The following ZNF749 variants were observed in gnomAD, a reference collection of about 807,000 sequenced individuals.
ZNF749 encodes the protein zinc finger protein 749.
A neutral mutation model predicts 7.3 loss-of-function variants in ZNF749; 8 were observed. The observed-to-expected ratio is 1.10, with a 90% CI of 0.64 to 1.98. The LOEUF is 1.98. Ranked by LOEUF, ZNF749 falls within the 30% of genes most tolerant of loss-of-function variation. The pLI, the probability that ZNF749 is intolerant of heterozygous loss-of-function variation, is 0.00. For synonymous variants in ZNF749, 310 were observed against 322.4 expected, an observed-to-expected ratio of 0.96 and a Z score of 0.41; for missense variants, 898 against 932.4, an observed-to-expected ratio of 0.96 and a Z score of 0.48.
upstream of ZNF749, among the ~76,000 whole-genome samples, chr19:57,432,588 G>C (rs113386444): frequency 0.056 from 8,177 of 144,984 alleles, 856 homozygotes; most frequent in African/African-American, 0.2. Flanking sequence ...AAAAAAAGGT[G>C]GGGGGGACTA....
intron 1 of ZNF749, 120 bp downstream of exon 1, chr19:57,435,713 G>T: frequency 1.3e-6 from 2 of 1,482,222 alleles, no homozygotes; most frequent in South Asian, 1.3e-5. Flanking sequence ...TGTGTGGGGT[G>T]CCCGGGACTG....
rs1305916631 is a variant in ZNF749, at chr19:57,443,545, A to G, written c.397A>G (p.Ser133Gly). Residue 133 changes from serine to glycine, a missense_variant, in exon 3 of 3, where the codon AGT becomes GGT. By Grantham distance (56) the Ser-to-Gly change is moderately conservative (BLOSUM62 0). Coordinates refer to ENST00000334181, the MANE Select transcript of ZNF749 (RefSeq NM_001023561.4). The part of the protein sequence containing the change: ...KEQIREKLTR[S>G]DEWRPSFVNH... ...GCAGATTAGAGAGAAGCTCACCAGA[A>G]GTGATGAGTGGAGGCCTTCATTTGT... 2 of 1,614,146 alleles carry G rather than the reference A, an allele frequency of 1.2e-6. No individual in the cohort carries two copies. Among genetic ancestry groups the G allele is most frequent in the Admixed American group, 3.3e-5 (2 of 60,012 alleles).
At chr19:57,433,160 GTTA>G (rs2088907788), upstream of ZNF749, among the ~76,000 whole-genome samples, 1 of 149,592 alleles carries the variant, frequency 6.7e-6, no homozygotes, top group Non-Finnish European at 1.5e-5. Flanking sequence ...GTGTGAAGGG[GTTA>G]TTTAGAAGGT....
chr19:57,443,740 T>C lies in ZNF749; in HGVS notation c.592T>C (p.Ser198Pro), dbSNP rs758593501. ...AFQGEQNDFN[S>P]SQGGKDFCHQ... Reference sequence around the variant, plus strand: ...TCAAGGTGAACAGAATGATTTCAACTCCAGCCAAGGTGGGAAAGACTTTTG... The same window carrying C: ...TCAAGGTGAACAGAATGATTTCAACCCCAGCCAAGGTGGGAAAGACTTTTG... Residue 198 changes from serine (S) to proline (P), a missense_variant, in exon 3 of 3, where the codon TCC becomes CCC. Ser to Pro is a moderately conservative substitution (Grantham distance 74, BLOSUM62 -1). Coordinates refer to ENST00000334181, the MANE Select transcript of ZNF749 (RefSeq NM_001023561.4). 5.6e-6 allele frequency: 9 copies of C among 1,614,002 alleles called. No homozygotes were observed. The East Asian group carries it at 2.0e-4, about 36-fold the overall frequency.
chr19:57,446,511 A>C lies in ZNF749; in HGVS notation c.*1026A>C, dbSNP rs2089067476. 6.6e-6 allele frequency among the ~76,000 whole-genome samples: 1 copy of C among 152,190 alleles called. No homozygotes were observed. Among genetic ancestry groups the C allele is most frequent in the African/African-American group, 2.4e-5 (1 of 41,452 alleles). Reference sequence around the variant, plus strand: ...ATAAATATCTCATATGAGGAAACTTAAGTTTTAGTCTTTTGTGACTTATTT... The same window carrying C: ...ATAAATATCTCATATGAGGAAACTTCAGTTTTAGTCTTTTGTGACTTATTT... On this transcript the variant is annotated 3_prime_UTR_variant, in exon 3 of 3. Transcript: ENST00000334181.
chr19:57,430,618 C>T (rs2088894617), upstream of ZNF749, among the ~76,000 whole-genome samples: 2 of 152,158 alleles, frequency 1.3e-5, no homozygotes, highest in African/African-American at 4.8e-5. Flanking sequence ...TTACATCTGA[C>T]AGTTGCCTAC....
Position 57,435,448 on chromosome 19 carries a change from T to G in ZNF749, c.-131T>G. ...AAGAGCGGAAAAACGCGAGAAGCGGTGTTCCTTCTACACAGAGGCTAGAGT... is the reference window on the plus strand; with the variant it reads ...AAGAGCGGAAAAACGCGAGAAGCGGGGTTCCTTCTACACAGAGGCTAGAGT... On this transcript the variant is annotated 5_prime_UTR_variant, in exon 1 of 3. Transcript: ENST00000334181. The G allele has an allele frequency of 7.4e-7, 1 of 1,352,756 alleles. No individual in the cohort carries two copies. Among genetic ancestry groups the G allele is most frequent in the Non-Finnish European group, 1.0e-6 (1 of 978,310 alleles). 83.8% of individuals were successfully genotyped at this position (1,352,756 alleles called of 1,614,324 possible). A position where few individuals can be genotyped will look rare whatever the true frequency, so the allele number is the denominator to read the frequency against.
rs2240041 is a variant in ZNF749, at chr19:57,445,532, C to T, written c.*47C>T. ...ACCAAAACTGTCACCTCATTCAGCA[C>T]CAAAAGGTTCACATCGGACCAAGAA... On this transcript the variant is annotated 3_prime_UTR_variant, in exon 3 of 3. Coordinates refer to ENST00000334181, the MANE Select transcript of ZNF749 (RefSeq NM_001023561.4). 51,619 of 1,552,320 alleles carry T rather than the reference C, an allele frequency of 0.033. 2,365 individuals carry two copies. Among genetic ancestry groups the T allele is most frequent in the African/African-American group, 0.22 (16,094 of 72,652 alleles).
Position 57,435,543 on chromosome 19 carries a change from C to T in ZNF749, c.-36C>T. The T allele has an allele frequency of 6.3e-7, 1 of 1,597,838 alleles. No homozygotes were observed. The highest frequency in any genetic ancestry group is 1.1e-5 in the South Asian group (1 of 88,422). On this transcript the variant is annotated 5_prime_UTR_variant, in exon 1 of 3. Coordinates refer to ENST00000334181, the MANE Select transcript of ZNF749 (RefSeq NM_001023561.4). ...GTCCAGGTGACCGCCGTTCCCGCCC[C>T]GCTCTTCCCTGGGTGGACTGGAGGA...
rs1044986339 is a variant in ZNF749, at chr19:57,442,646, T to A, written c.142+635T>A. Among the ~76,000 whole-genome samples the A allele has an allele frequency of 6.6e-5, 10 of 152,120 alleles. No homozygotes were observed. The highest frequency in any genetic ancestry group is 1.2e-4 in the Non-Finnish European group (8 of 68,022). Reference sequence around the variant, plus strand: ...GTCCTCTATTAATGGCAAGAGACACTCAGAAGGACTTGGCCCTGGTGGGTG... The same window carrying A: ...GTCCTCTATTAATGGCAAGAGACACACAGAAGGACTTGGCCCTGGTGGGTG... On this transcript the variant is annotated intron_variant, in intron 2 of 2. Coordinates refer to ENST00000334181, the MANE Select transcript of ZNF749 (RefSeq NM_001023561.4). The surrounding 1 kb of genome is among the most constrained non-coding windows in gnomAD (Gnocchi z 6.6).
upstream of ZNF749, among the ~76,000 whole-genome samples, chr19:57,432,350 C>G (rs1253958765): frequency 6.7e-6 from 1 of 150,228 alleles, no homozygotes; most frequent in African/African-American, 2.4e-5. Flanking sequence ...CTGAGGCAGG[C>G]AGATCACCTG....
chr19:57,441,115 CAAAAAAAAAA>C (rs35321744), intron 1 of ZNF749, among the ~76,000 whole-genome samples: 1 of 71,274 alleles, frequency 1.4e-5, no homozygotes, highest in African/African-American at 6.2e-5. Context: ...ACTCTTGTCT[CAAAAAAAAAA>C]AAAAAAAAAA....
At position 57,445,101 on chromosome 19, in the gene ZNF749, T is replaced by G; in HGVS notation, c.1953T>G (p.Asp651Glu). 1 of 1,613,360 alleles carries G rather than the reference T, an allele frequency of 6.2e-7. No individual in the cohort carries two copies. Among genetic ancestry groups the G allele is most frequent in the East Asian group, 2.2e-5 (1 of 44,854 alleles). The change falls in exon 3 of 3, where the codon GAT becomes GAG. Residue 651 changes from aspartate (D) to glutamate (E), a missense_variant. Coordinates refer to ENST00000334181, the MANE Select transcript of ZNF749 (RefSeq NM_001023561.4). Reference sequence around the variant, plus strand: ...GTGAATGTGGGAAATTTTTTAGAGATAGCTACAAACTCATTATTCATCAGA... The same window carrying G: ...GTGAATGTGGGAAATTTTTTAGAGAGAGCTACAAACTCATTATTCATCAGA... ...ECSECGKFFR[D>E]SYKLIIHQRV...
Position 57,439,098 on chromosome 19 carries a change from C to G in ZNF749, c.16-2787C>G, listed in dbSNP as rs1431409817. 6.6e-6 allele frequency among the ~76,000 whole-genome samples: 1 copy of G among 152,036 alleles called. No individual in the cohort carries two copies. Among genetic ancestry groups the G allele is most frequent in the African/African-American group, 2.4e-5 (1 of 41,404 alleles). On this transcript the variant is annotated intron_variant, in intron 1 of 2. Coordinates refer to ENST00000334181, the MANE Select transcript of ZNF749 (RefSeq NM_001023561.4). This position sits in a 1 kb window ranked among gnomAD's most constrained non-coding sequence, Gnocchi z 4.3. ...TTGAGGAGGGGGGAAAAAGAGGTGACCTGACCCAGGTTTTAGTGGCTCCCT... is the reference window on the plus strand; with the variant it reads ...TTGAGGAGGGGGGAAAAAGAGGTGAGCTGACCCAGGTTTTAGTGGCTCCCT...
the ZNF749 span, among the ~76,000 whole-genome samples, chr19:57,429,421 A>G: frequency 7.2e-5 from 11 of 152,128 alleles, no homozygotes; most frequent in African/African-American, 2.7e-4. This position sits in a 1 kb window ranked among gnomAD's most constrained non-coding sequence, Gnocchi z 4.2. Context: ...TTCTTTTTGT[A>G]TATACCCAGA....
rs779225076 is a variant in ZNF749 at position 57,443,738 on chromosome 19, A to G, written c.590A>G (p.Asn197Ser). 2.4e-5 allele frequency: 38 copies of G among 1,613,928 alleles called. No homozygotes were observed. Among genetic ancestry groups the G allele is most frequent in the Non-Finnish European group, 1.7e-6 (2 of 1,179,984 alleles). The change falls in exon 3 of 3, where the codon AAC becomes AGC. Residue 197 changes from asparagine (N) to serine (S), a missense_variant. By Grantham distance (46) the Asn-to-Ser change is conservative. Coordinates refer to ENST00000334181, the MANE Select transcript of ZNF749 (RefSeq NM_001023561.4). ...TTTCAAGGTGAACAGAATGATTTCA[A>G]CTCCAGCCAAGGTGGGAAAGACTTT... Reference protein sequence around the residue: ...EAFQGEQNDFNSSQGGKDFCH... With the variant: ...EAFQGEQNDFSSSQGGKDFCH...
At chr19:57,440,449 G>GT (rs909752639) in intron 1 of ZNF749, among the ~76,000 whole-genome samples, 2 of 151,762 alleles carry the variant, frequency 1.3e-5, no homozygotes, top group African/African-American at 4.8e-5. Flanking sequence ...GTTTTGGGGG[G>GT]GCTGAGGTTA....
upstream of ZNF749, chr19:57,435,251 CG>C (rs759442000): frequency 7.2e-5 from 38 of 526,342 alleles, no homozygotes; most frequent in East Asian, 7.7e-4. Flanking sequence ...GAAGACACTG[CG>C]GGGGCAGGGC....
At chr19:57,440,600 T>A (rs2088977804) in intron 1 of ZNF749, among the ~76,000 whole-genome samples, 1 of 152,046 alleles carries the variant, frequency 6.6e-6, no homozygotes, top group Admixed American at 6.6e-5. Context: ...CAGAGTGGCA[T>A]CTTGGGAGGC....
Sources: allele counts gnomAD v4.1 joint callset (sites outside exome capture counted in the v4.1 genomes callset), GRCh38; gene constraint gnomAD v4.1.1; non-coding constraint Gnocchi (gnomAD v3.1); transcripts MANE v1.5; gene names NCBI Gene and HGNC (gene_info 2026-07-23, HGNC 2026-07-21).